The following KCNQ3 variants were observed in gnomAD, a reference collection of about 807,000 sequenced individuals.
The protein encoded by KCNQ3 is potassium voltage-gated channel subfamily KQT member 3.
A neutral mutation model predicts 92.5 loss-of-function variants in KCNQ3; 30 were observed. The observed-to-expected ratio is 0.32, with a 90% CI of 0.24 to 0.44. KCNQ3 has a LOEUF of 0.44. Among genes scored for constraint, KCNQ3 ranks in the 20% least tolerant of loss-of-function variants. The pLI is 1.00. For synonymous variants in KCNQ3, 450 were observed against 468.8 expected, an observed-to-expected ratio of 0.96 and a Z score of 0.52; for missense variants, 913 against 1,140.3, an observed-to-expected ratio of 0.80 and a Z score of 2.87.
intron 1 of KCNQ3, among the ~76,000 whole-genome samples, chr8:132,391,534 A>T (rs1291489246): frequency 6.6e-6 from 1 of 152,194 alleles, no homozygotes; most frequent in Non-Finnish European, 1.5e-5. Context: ...TGCAGGCTGA[A>T]CTGGATTTTG....
At chr8:132,294,780 T>C (rs1404788572) in intron 1 of KCNQ3, among the ~76,000 whole-genome samples, 1 of 152,206 alleles carries the variant, frequency 6.6e-6, no homozygotes, top group Admixed American at 6.5e-5. Flanking sequence ...TGAGCAACTA[T>C]CCTAGGTCAA....
intron 1 of KCNQ3, among the ~76,000 whole-genome samples, chr8:132,465,745 A>AAAAC (rs1338337785): frequency 6.6e-6 from 1 of 151,816 alleles, no homozygotes; most frequent in Non-Finnish European, 1.5e-5. Flanking sequence ...CTCCGTCTCA[A>AAAAC]AAACAAACAA....
At chr8:132,413,566 C>T (rs1266842119) in intron 1 of KCNQ3, among the ~76,000 whole-genome samples, 1 of 152,200 alleles carries the variant, frequency 6.6e-6, no homozygotes, top group Admixed American at 6.5e-5. Flanking sequence ...CATGCCTATA[C>T]AGGCCAGAAT....
chr8:132,209,332 T>G (rs1813775547), intron 1 of KCNQ3, among the ~76,000 whole-genome samples: 1 of 152,152 alleles, frequency 6.6e-6, no homozygotes, highest in Non-Finnish European at 1.5e-5. Flanking sequence ...AGCAGACTTG[T>G]CAGAGTACTT....
At chr8:132,280,353 A>C (rs1472473484) in intron 1 of KCNQ3, among the ~76,000 whole-genome samples, 1 of 152,176 alleles carries the variant, frequency 6.6e-6, no homozygotes, top group Non-Finnish European at 1.5e-5. Flanking sequence ...GCATCTGCTC[A>C]GCTTCTGGGG....
chr8:132,186,184 A>G lies in KCNQ3; in HGVS notation c.387-3T>C, dbSNP rs199639193. On this transcript the variant is annotated splice_region_variant and splice_polypyrimidine_tract_variant and intron_variant, in intron 1 of 14. Coordinates refer to ENST00000388996, the MANE Select transcript of KCNQ3 (RefSeq NM_004519.4). Reference sequence around the variant, plus strand: ...AGCACCCCAGGACAATCAGGAACCTAGAGGGGAAGAAAGAAATGGACTAAG... The same window carrying G: ...AGCACCCCAGGACAATCAGGAACCTGGAGGGGAAGAAAGAAATGGACTAAG... 8.1e-6 allele frequency: 13 copies of G among 1,608,644 alleles called. No homozygotes were observed. The highest frequency in any genetic ancestry group is 1.1e-5 in the Non-Finnish European group (13 of 1,175,172).
intron 1 of KCNQ3, among the ~76,000 whole-genome samples, chr8:132,417,093 C>T (rs1820826123): frequency 6.6e-6 from 1 of 152,192 alleles, no homozygotes; most frequent in African/African-American, 2.4e-5. Context: ...CCTCGTTTAA[C>T]CTGACAGGCT....
intron 1 of KCNQ3, among the ~76,000 whole-genome samples, chr8:132,361,821 A>G (rs1015223595): frequency 6.6e-6 from 1 of 152,212 alleles, no homozygotes; most frequent in Non-Finnish European, 1.5e-5. Flanking sequence ...TAAACTGTCC[A>G]TTCGTATGTG....
chr8:132,452,162 T>G (rs1363555418), intron 1 of KCNQ3, among the ~76,000 whole-genome samples: 1 of 152,230 alleles, frequency 6.6e-6, no homozygotes, highest in Non-Finnish European at 1.5e-5. Flanking sequence ...TTCGCATCGT[T>G]GTGCAACCAT....
chr8:132,283,350 T>A (rs1311163225), intron 1 of KCNQ3, among the ~76,000 whole-genome samples: 1 of 152,192 alleles, frequency 6.6e-6, no homozygotes, highest in Non-Finnish European at 1.5e-5. Context: ...GAAAAAGGAA[T>A]ACATTAATAG....
chr8:132,220,397 G>A (rs1814187657), intron 1 of KCNQ3, among the ~76,000 whole-genome samples: 1 of 152,202 alleles, frequency 6.6e-6, no homozygotes, highest in Non-Finnish European at 1.5e-5. Context: ...TGCAGAAGCT[G>A]ATCAAAATTA....
At chr8:132,460,699 C>T (rs1008092170) in intron 1 of KCNQ3, among the ~76,000 whole-genome samples, 2 of 152,208 alleles carry the variant, frequency 1.3e-5, no homozygotes, top group Non-Finnish European at 2.9e-5. Flanking sequence ...TTGTCACCAT[C>T]TGCATCCCTT....
chr8:132,363,975 G>A (rs1819244111), intron 1 of KCNQ3, among the ~76,000 whole-genome samples: 1 of 151,868 alleles, frequency 6.6e-6, no homozygotes, highest in South Asian at 2.1e-4. Flanking sequence ...AAAAGTTCAT[G>A]TGTACCATTG....
intron 1 of KCNQ3, among the ~76,000 whole-genome samples, chr8:132,401,428 T>G (rs1036465596): frequency 6.6e-6 from 1 of 151,362 alleles, no homozygotes; most frequent in African/African-American, 2.4e-5. Flanking sequence ...CAGGCTGGAG[T>G]GCAGTGGCAC....
intron 1 of KCNQ3, among the ~76,000 whole-genome samples, chr8:132,225,253 G>A (rs1321169104): frequency 6.6e-6 from 1 of 152,194 alleles, no homozygotes; most frequent in African/African-American, 2.4e-5. Flanking sequence ...AAAGTAGCTT[G>A]AGTTGAGTTC....
chr8:132,229,485 C>G (rs889650432), intron 1 of KCNQ3, among the ~76,000 whole-genome samples: 21 of 151,832 alleles, frequency 1.4e-4, no homozygotes, highest in African/African-American at 5.1e-4. Flanking sequence ...AGCTGGTGCC[C>G]TTGTCTGAGT....
At chr8:132,297,388 T>C (rs1817071351) in intron 1 of KCNQ3, among the ~76,000 whole-genome samples, 1 of 152,180 alleles carries the variant, frequency 6.6e-6, no homozygotes, top group African/African-American at 2.4e-5. Context: ...AGAAGCTCTT[T>C]AGTTTAATTA....
chr8:132,395,492 C>A (rs1446936624), intron 1 of KCNQ3, among the ~76,000 whole-genome samples: 1 of 152,196 alleles, frequency 6.6e-6, no homozygotes, highest in Non-Finnish European at 1.5e-5. Flanking sequence ...TGGTACCCTA[C>A]CTGACTTAAT....
At position 132,123,637 on chromosome 8, in the gene KCNQ3, C is replaced by T. The variant is rs1824566350; in HGVS notation, c.*5625G>A. 1 of 152,120 alleles carries T rather than the reference C, an allele frequency of 6.6e-6. No homozygotes were observed. The highest frequency in any genetic ancestry group is 1.5e-5 in the Non-Finnish European group (1 of 68,024). 9.4% of individuals were successfully genotyped at this position (152,120 alleles called of 1,614,324 possible). A position where few individuals can be genotyped will look rare whatever the true frequency, so the allele number is the denominator to read the frequency against. ...GAGCAAAGATCAGAAGACCTGAGTT[C>T]CAGATTTATTCTGTGACTCAATCAC... On this transcript the variant is annotated 3_prime_UTR_variant, in exon 15 of 15. Coordinates refer to ENST00000388996, the MANE Select transcript of KCNQ3 (RefSeq NM_004519.4).
Sources: allele counts gnomAD v4.1 joint callset (sites outside exome capture counted in the v4.1 genomes callset), GRCh38; gene constraint gnomAD v4.1.1; transcripts MANE v1.5; gene names NCBI Gene and HGNC (gene_info 2026-07-23, HGNC 2026-07-21).